The following RGSL1 variants were observed in gnomAD, a reference collection of about 807,000 sequenced individuals.
The protein encoded by RGSL1 is regulator of G protein signaling protein-like.
In RGSL1, 97 loss-of-function variants were observed where a neutral mutation model predicts 124.7. That is an observed-to-expected ratio of 0.78 (90% CI 0.66 to 0.92). The LOEUF is 0.92. Ranked by LOEUF, RGSL1 falls within the 40% of genes least tolerant of loss-of-function variation. The pLI is 0.00. For missense variants in RGSL1, 1,233 were observed against 1,288.4 expected (o/e 0.96, Z 0.66); for synonymous variants, 424 against 438.1 (o/e 0.97, Z 0.40).
At chr1:182,554,563 G>T in intron 19 of RGSL1, 64 bp from the exon 20 acceptor site, 2 of 1,411,258 alleles carry the variant, frequency 1.4e-6, no homozygotes, top group Non-Finnish European at 2.0e-6. Context: ...CAGGGTGGAG[G>T]CCTTTCAGTG....
intron 9 of RGSL1, among the ~76,000 whole-genome samples, chr1:182,498,660 C>CT (rs1343230253): frequency 9.9e-5 from 15 of 152,116 alleles, no homozygotes; most frequent in Non-Finnish European, 2.1e-4. Context: ...TAGTGATTTT[C>CT]TTAGTGATTT....
chr1:182,529,966 A>G (rs1464470657), intron 11 of RGSL1, among the ~76,000 whole-genome samples: 2 of 152,202 alleles, frequency 1.3e-5, no homozygotes, highest in Admixed American at 6.5e-5. Context: ...CCAGCTGCAG[A>G]AATAAGTCCT....
intron 2 of RGSL1, among the ~76,000 whole-genome samples, chr1:182,455,245 C>A (rs1652203065): frequency 6.6e-6 from 1 of 152,102 alleles, no homozygotes; most frequent in Admixed American, 6.6e-5. Context: ...AGGTACTTGA[C>A]AGGTAACTGG....
chr1:182,545,179 T>A (rs995401068), intron 15 of RGSL1, among the ~76,000 whole-genome samples: 5 of 152,140 alleles, frequency 3.3e-5, no homozygotes, highest in African/African-American at 1.2e-4. Context: ...TTGTGTTTAC[T>A]ATGAGGCTTA....
rs1310339610 is a variant in RGSL1 at position 182,553,409 on chromosome 1, G to A, written c.3044-46G>A. On this transcript the variant is annotated intron_variant, in intron 18 of 21. Coordinates refer to ENST00000294854, the MANE Select transcript of RGSL1 (RefSeq NM_001137669.2). ...TTACTTAGAGAGATTTATTTCAGTA[G>A]GAGTTGTCGCAGGTGTTTTTAATGC... 1.0e-5 allele frequency: 14 copies of A among 1,384,494 alleles called. No homozygotes were observed. The South Asian group carries it at 1.2e-4, about 12-fold the overall frequency. The allele number at this position is 1,384,494 out of a possible 1,614,324, so 85.8% of individuals were successfully genotyped here. A position where few individuals can be genotyped will look rare whatever the true frequency, so the allele number is the denominator to read the frequency against.
intron 4 of RGSL1, among the ~76,000 whole-genome samples, chr1:182,467,818 G>A (rs1227290594): frequency 6.6e-6 from 1 of 152,196 alleles, no homozygotes; most frequent in Non-Finnish European, 1.5e-5. Flanking sequence ...ACTACCATCA[G>A]AGTGAACAGG....
Position 182,551,323 on chromosome 1 carries a change from G to A in RGSL1, c.3043+114G>A, listed in dbSNP as rs183346351. ...TTCCTTGAGGGTGTTTGCTGGAGCCGGGACAGCTCATTTACTTGGCCCTCA... is the reference window on the plus strand; with the variant it reads ...TTCCTTGAGGGTGTTTGCTGGAGCCAGGACAGCTCATTTACTTGGCCCTCA... On this transcript the variant is annotated intron_variant, in intron 18 of 21. Transcript: ENST00000294854. The A allele has an allele frequency of 1.3e-3, 1,038 of 797,526 alleles. 2 individuals are homozygous for A. The highest frequency in any genetic ancestry group is 4.0e-3 in the African/African-American group (233 of 57,796). 49.4% of individuals were successfully genotyped at this position (797,526 alleles called of 1,614,324 possible).
chr1:182,531,723 G>C (rs1659187131), intron 13 of RGSL1, among the ~76,000 whole-genome samples: 1 of 152,108 alleles, frequency 6.6e-6, no homozygotes, highest in Non-Finnish European at 1.5e-5. Context: ...ACTGTACCCA[G>C]AACCAGTGCA....
In RGSL1 at chr1:182,474,441, T is replaced by C; in HGVS notation, c.1330T>C (p.Cys444Arg). ...CTACCTGAATGAGCAGATTGGTCCGTGCTTACCACTCAAATCCCAAACCAT... is the reference window on the plus strand; with the variant it reads ...CTACCTGAATGAGCAGATTGGTCCGCGCTTACCACTCAAATCCCAAACCAT... ...ELYLNEQIGP[C>R]LPLKSQTIQG... Residue 444 changes from cysteine (C) to arginine (R), a missense_variant, in exon 6 of 22, where the codon TGC (cysteine) becomes CGC (arginine). Transcript: ENST00000294854. 1 of 1,552,060 alleles carries C rather than the reference T, an allele frequency of 6.4e-7. No individual in the cohort carries two copies. The highest frequency in any genetic ancestry group is 1.2e-5 in the South Asian group (1 of 84,064).
At chr1:182,542,053 C>T (rs115003289) in intron 15 of RGSL1, among the ~76,000 whole-genome samples, 2,340 of 152,184 alleles carry the variant, frequency 0.015, 31 homozygotes, top group Middle Eastern at 0.034. Flanking sequence ...TTGATTGTTT[C>T]CTTTGCTGTG....
chr1:182,558,139 A>G (rs1254055074), intron 21 of RGSL1, among the ~76,000 whole-genome samples: 3 of 152,194 alleles, frequency 2.0e-5, no homozygotes, highest in African/African-American at 4.8e-5. Context: ...GTTAAAACAA[A>G]ACTTAGTTAG....
chr1:182,472,512 C>T lies in RGSL1; in HGVS notation c.418C>T (p.Leu140=). 6.5e-7 allele frequency: 1 copy of T among 1,549,704 alleles called. No homozygotes were observed. The highest frequency in any genetic ancestry group is 8.7e-7 in the Non-Finnish European group (1 of 1,145,762). The change falls in exon 5 of 22, where the codon CTG becomes TTG. Residue 140 remains leucine (L), a synonymous_variant. Transcript: ENST00000294854. The part of the protein sequence containing the change: ...SLLLMLRATH[L]QEGSRVVTLC... ...CCTCCTCATGCTGAGGGCCACTCAT[C>T]TGCAGGAGGGCTCCAGGGTGGTAAC...
At chr1:182,538,787 C>T (rs947694128) in intron 14 of RGSL1, among the ~76,000 whole-genome samples, 3 of 151,986 alleles carry the variant, frequency 2.0e-5, no homozygotes, top group African/African-American at 7.3e-5. Flanking sequence ...CTAGGCACCT[C>T]CCTCACCTTA....
In RGSL1 at chr1:182,452,545, T is replaced by C. The variant is rs372659046; in HGVS notation, c.14-1413T>C. Among the ~76,000 whole-genome samples the C allele has an allele frequency of 1.7e-4, 26 of 151,814 alleles. No individual in the cohort carries two copies. In the East Asian group the frequency reaches 4.9e-3, roughly 28 times the overall value. ...TCGGCTCACTGCAACCTCCACCTCC[T>C]GGCTTCAAGCGATTCTCCTGCCTCA... On this transcript the variant is annotated intron_variant, in intron 1 of 21. Coordinates refer to ENST00000294854, the MANE Select transcript of RGSL1 (RefSeq NM_001137669.2).
chr1:182,559,249 A>C (rs1661035627), intron 21 of RGSL1, among the ~76,000 whole-genome samples: 1 of 152,122 alleles, frequency 6.6e-6, no homozygotes. Flanking sequence ...AATCCATTCT[A>C]ACAGGATCCA....
chr1:182,457,644 C>T (rs889594214), intron 2 of RGSL1, among the ~76,000 whole-genome samples: 8 of 152,146 alleles, frequency 5.3e-5, no homozygotes, highest in Admixed American at 1.3e-4. Flanking sequence ...AGCTTCAGCC[C>T]GTCTAGTTTT....
At chr1:182,505,134 A>G (rs1656718630) in intron 9 of RGSL1, among the ~76,000 whole-genome samples, 2 of 152,102 alleles carry the variant, frequency 1.3e-5, no homozygotes, top group South Asian at 4.1e-4. Flanking sequence ...GGTGGTCAAT[A>G]CTTGTATCCT....
chr1:182,480,748 G>A (rs555899269), intron 6 of RGSL1, among the ~76,000 whole-genome samples: 5 of 152,204 alleles, frequency 3.3e-5, no homozygotes, highest in South Asian at 2.1e-4. Context: ...GAGCCACCAC[G>A]CTTGGCCACA....
intron 9 of RGSL1, among the ~76,000 whole-genome samples, chr1:182,509,719 G>T (rs1406881468): frequency 7.3e-6 from 1 of 136,746 alleles, no homozygotes; most frequent in Non-Finnish European, 1.6e-5. Flanking sequence ...GCGGGGGGCT[G>T]ACCCCCCCAC....
Sources: gnomAD v4.1 joint callset for allele counts (sites outside exome capture counted in the v4.1 genomes callset) on GRCh38, gnomAD v4.1.1 for gene constraint, MANE v1.5 for transcripts, NCBI Gene and HGNC (gene_info 2026-07-23, HGNC 2026-07-21) for gene names.